The following PLCG2 variants were observed in gnomAD, a reference collection of about 807,000 sequenced individuals.
PLCG2 encodes the protein phospholipase C gamma 2, also known as 1-phosphatidylinositol 4,5-bisphosphate phosphodiesterase gamma-2.
A neutral mutation model predicts 175.6 loss-of-function variants in PLCG2; 69 were observed. The ratio of observed to expected loss-of-function variants is 0.39; its 90% confidence interval spans 0.32 to 0.48. PLCG2 has a LOEUF of 0.48. Ranked by LOEUF, PLCG2 falls within the 20% of genes least tolerant of loss-of-function variation. The pLI, the probability that PLCG2 is intolerant of heterozygous loss-of-function variation, is 0.91. For missense variants in PLCG2, 1,798 were observed against 1,650.9 expected (o/e 1.09, Z -1.54); for synonymous variants, 827 against 624.0 (o/e 1.33, Z -4.85).
chr16:81,882,756 C>T (rs1166871345), intron 8 of PLCG2, among the ~76,000 whole-genome samples: 1 of 151,968 alleles, frequency 6.6e-6, no homozygotes, highest in Non-Finnish European at 1.5e-5. Flanking sequence ...TCTTGCTCAC[C>T]CCACCTCATT....
At chr16:81,811,210 G>A (rs1048428432) in intron 2 of PLCG2, among the ~76,000 whole-genome samples, 9 of 152,166 alleles carry the variant, frequency 5.9e-5, no homozygotes, top group African/African-American at 2.2e-4. Flanking sequence ...CTCCCTCCTT[G>A]GGTCTCAGTG....
intron 2 of PLCG2, among the ~76,000 whole-genome samples, chr16:81,795,879 A>G (rs1403938247): frequency 1.3e-5 from 2 of 152,202 alleles, no homozygotes; most frequent in Admixed American, 6.5e-5. Context: ...CCCACCTTCT[A>G]TTGAACAGAA....
chr16:81,745,395 C>A (rs910002250), intron 1 of PLCG2, among the ~76,000 whole-genome samples: 5 of 152,210 alleles, frequency 3.3e-5, no homozygotes, highest in Non-Finnish European at 7.3e-5. Context: ...GTTTGACCAT[C>A]CTCTGCCTTT....
chr16:81,822,167 G>C (rs1179592139), intron 2 of PLCG2, among the ~76,000 whole-genome samples: 2 of 152,102 alleles, frequency 1.3e-5, no homozygotes, highest in African/African-American at 4.8e-5. Flanking sequence ...TTTGTCAATT[G>C]TGGTGGGGTG....
intron 2 of PLCG2, among the ~76,000 whole-genome samples, chr16:81,762,538 C>T (rs1910063259): frequency 6.6e-6 from 1 of 151,282 alleles, no homozygotes; most frequent in Admixed American, 6.6e-5. Context: ...CACTGCATTC[C>T]AGCCTGGGCA....
chr16:81,868,412 C>A (rs1398434191), intron 5 of PLCG2, among the ~76,000 whole-genome samples: 3 of 152,184 alleles, frequency 2.0e-5, no homozygotes, highest in African/African-American at 7.2e-5. Context: ...TCCCCACTTA[C>A]TCTGCATCCC....
intron 2 of PLCG2, among the ~76,000 whole-genome samples, chr16:81,844,952 C>T (rs1002168618): frequency 1.3e-5 from 2 of 152,022 alleles, no homozygotes; most frequent in Non-Finnish European, 2.9e-5. Context: ...TTTTCTGAGA[C>T]AGGGTCTTGC....
intron 3 of PLCG2, among the ~76,000 whole-genome samples, chr16:81,855,640 C>G (rs1215621573): frequency 6.6e-6 from 1 of 152,168 alleles, no homozygotes; most frequent in Non-Finnish European, 1.5e-5. Context: ...CTTGGGGAGA[C>G]AGATGTGTGT....
intron 24 of PLCG2, among the ~76,000 whole-genome samples, chr16:81,929,506 C>T (rs1486288746): frequency 6.6e-6 from 1 of 152,220 alleles, no homozygotes; most frequent in African/African-American, 2.4e-5. Flanking sequence ...AGTGATTCTC[C>T]TGCCTCAGCC....
At chr16:81,892,930 C>T (rs981056893) in intron 11 of PLCG2, among the ~76,000 whole-genome samples, 9 of 152,044 alleles carry the variant, frequency 5.9e-5, no homozygotes, top group East Asian at 3.9e-4. Context: ...TCACAACCTC[C>T]GCTTTCCCGG....
At chr16:81,882,783 C>T (rs140222726) in intron 8 of PLCG2, among the ~76,000 whole-genome samples, 44 of 152,078 alleles carry the variant, frequency 2.9e-4, no homozygotes, top group Non-Finnish European at 5.3e-4. Context: ...CACCCCACCT[C>T]GTTCTGGCTC....
intron 7 of PLCG2, among the ~76,000 whole-genome samples, chr16:81,874,717 C>G (rs74029289): frequency 1.3e-5 from 2 of 152,060 alleles, no homozygotes; most frequent in African/African-American, 4.8e-5. Context: ...TGGTTTCCAT[C>G]GTGAGCTTGC....
intron 15 of PLCG2, 62 bp downstream of exon 15, chr16:81,905,569 C>A (rs1408964511): frequency 1.2e-5 from 13 of 1,071,650 alleles, no homozygotes; most frequent in Non-Finnish European, 1.9e-5. Context: ...CTTCTTGGAG[C>A]CCTGCTGGGA....
intron 31 of PLCG2, among the ~76,000 whole-genome samples, chr16:81,947,023 C>T (rs74029314): frequency 6.6e-6 from 1 of 152,064 alleles, no homozygotes; most frequent in South Asian, 2.1e-4. Flanking sequence ...AAAACCCCTC[C>T]GCAGACACTT....
intron 26 of PLCG2, chr16:81,935,910 T>A (rs937551838): frequency 2.4e-5 from 22 of 918,780 alleles, no homozygotes; most frequent in East Asian, 2.4e-4. Flanking sequence ...GGTGATAGTT[T>A]AAAAAAAAAA....
intron 2 of PLCG2, among the ~76,000 whole-genome samples, chr16:81,802,638 C>G (rs747478866): frequency 6.6e-6 from 1 of 152,002 alleles, no homozygotes; most frequent in Non-Finnish European, 1.5e-5. Context: ...GTGGCGCAAT[C>G]TCAGCTCACT....
chr16:81,907,304 G>GAA (rs750806482), intron 15 of PLCG2, among the ~76,000 whole-genome samples: 1 of 148,248 alleles, frequency 6.7e-6, no homozygotes, highest in East Asian at 2.0e-4. Context: ...TTTCATCGGG[G>GAA]GAAAAAAAAA....
At chr16:81,889,613 T>C (rs947357426) in intron 10 of PLCG2, among the ~76,000 whole-genome samples, 2 of 152,002 alleles carry the variant, frequency 1.3e-5, no homozygotes, top group African/African-American at 4.8e-5. Context: ...CATCCTCCCT[T>C]TCAGAGGCTG....
chr16:81,858,437 GGAAA>G (rs1906796394), intron 4 of PLCG2, 81 bp downstream of exon 4: 58 of 286,260 alleles, frequency 2.0e-4, no homozygotes, highest in Non-Finnish European at 2.6e-4. Flanking sequence ...GCTACAGGGG[GGAAA>G]AAAAAAAAAA....
Sources: allele counts gnomAD v4.1 joint callset (sites outside exome capture counted in the v4.1 genomes callset), GRCh38; gene constraint gnomAD v4.1.1; transcripts MANE v1.5; gene names NCBI Gene and HGNC (gene_info 2026-07-23, HGNC 2026-07-21).